FAM3B: variants seen among roughly 807,000 people sequenced by gnomAD.
The protein encoded by FAM3B is FAM3 metabolism regulating signaling molecule B.
Under a neutral mutation model 28.4 loss-of-function variants are expected in FAM3B, and 29 were observed. That is an observed-to-expected ratio of 1.02 (90% CI 0.76 to 1.39). The LOEUF (loss-of-function observed/expected upper bound fraction) is 1.39, where lower values mean the gene tolerates loss of function less well. Among genes scored for constraint, FAM3B ranks in the 40% most tolerant of loss-of-function variants. The pLI is 0.00. For missense variants in FAM3B, 266 were observed against 293.9 expected (o/e 0.91, Z 0.69); for synonymous variants, 91 against 103.0 (o/e 0.88, Z 0.71).
chr21:41,335,847 T>G (rs1342414146), intron 2 of FAM3B, among the ~76,000 whole-genome samples: 1 of 152,230 alleles, frequency 6.6e-6, no homozygotes. Context: ...ACATTCCATG[T>G]GTGCTTGAGA....
intron 2 of FAM3B, 42 bp downstream of exon 2, chr21:41,323,108 G>A: frequency 1.3e-6 from 2 of 1,594,206 alleles, no homozygotes; most frequent in Admixed American, 1.7e-5. Flanking sequence ...TTCATGGCTT[G>A]TGTGCAGAGG....
At chr21:41,325,646 A>G (rs1040773628) in intron 2 of FAM3B, among the ~76,000 whole-genome samples, 2 of 152,246 alleles carry the variant, frequency 1.3e-5, no homozygotes, top group African/African-American at 4.8e-5. Context: ...ATACAGAGCC[A>G]AATTTGATCA....
rs1471087027 is a variant in FAM3B at position 41,348,626 on chromosome 21, C to T, written c.520C>T (p.Leu174Phe). ...NNDAKNAIEA[L>F]GSKEIRNMKF... ...CGATGCCAAGAATGCCATAGAAGCACTTGGAAGTAAAGAAATCAGGAACAT... is the reference window on the plus strand; with the variant it reads ...CGATGCCAAGAATGCCATAGAAGCATTTGGAAGTAAAGAAATCAGGAACAT... Residue 174 changes from leucine (L) to phenylalanine (F), a missense_variant, in exon 7 of 8, where the codon CTT (leucine) becomes TTT (phenylalanine). Physicochemically the swap from Leu to Phe is conservative, Grantham distance 22 (BLOSUM62 0). Coordinates refer to ENST00000357985, the MANE Select transcript of FAM3B (RefSeq NM_058186.4). 6.2e-7 allele frequency: 1 copy of T among 1,614,202 alleles called. No homozygotes were observed. Among genetic ancestry groups the T allele is most frequent in the Non-Finnish European group, 8.5e-7 (1 of 1,180,034 alleles).
chr21:41,338,951 C>G (rs2088980317), intron 3 of FAM3B, among the ~76,000 whole-genome samples: 2 of 152,170 alleles, frequency 1.3e-5, no homozygotes, highest in South Asian at 4.1e-4. Flanking sequence ...CGAAGTTAGA[C>G]TACTTTACTT....
chr21:41,309,538 A>T (rs999945857), intron 1 of FAM3B, among the ~76,000 whole-genome samples: 1 of 152,240 alleles, frequency 6.6e-6, no homozygotes, highest in South Asian at 2.1e-4. Context: ...TTGCAGATCA[A>T]ACCATCTAAA....
At chr21:41,332,677 A>G (rs1332657747) in intron 2 of FAM3B, among the ~76,000 whole-genome samples, 1 of 152,070 alleles carries the variant, frequency 6.6e-6, no homozygotes, top group African/African-American at 2.4e-5. Context: ...GAGACTTTTT[A>G]TTACTGACTT....
rs76521795 is a variant in FAM3B at position 41,338,595 on chromosome 21, A to C, written c.287+94A>C. ...CAAGCAGCAGTTCTGCCCACAGGAG[A>C]GAACCATATGTCGTTGGTCTCAGGC... On this transcript the variant is annotated intron_variant, in intron 3 of 7. Coordinates refer to ENST00000357985, the MANE Select transcript of FAM3B (RefSeq NM_058186.4). 5.7e-4 allele frequency: 877 copies of C among 1,526,566 alleles called. 9 individuals are homozygous for C. In the East Asian group the frequency reaches 0.012, roughly 21 times the overall value. 94.6% of individuals were successfully genotyped at this position (1,526,566 alleles called of 1,614,324 possible).
intron 2 of FAM3B, 29 bp from the exon 3 acceptor site, chr21:41,338,349 A>T (rs2088973871): frequency 6.2e-7 from 1 of 1,612,144 alleles, no homozygotes. Flanking sequence ...TGGGATGTTA[A>T]TGGCTATATA....
intron 2 of FAM3B, among the ~76,000 whole-genome samples, chr21:41,327,254 A>C (rs1430783920): frequency 6.6e-6 from 1 of 152,214 alleles, no homozygotes; most frequent in East Asian, 1.9e-4. Flanking sequence ...TTCTTTTATA[A>C]ATCTTTCCAC....
At chr21:41,328,251 C>T (rs1159405427) in intron 2 of FAM3B, among the ~76,000 whole-genome samples, 2 of 152,220 alleles carry the variant, frequency 1.3e-5, no homozygotes, top group African/African-American at 2.4e-5. Context: ...AGTACCCATA[C>T]ACAGGGTGTC....
At chr21:41,349,794 C>T (rs777708891) in intron 7 of FAM3B, among the ~76,000 whole-genome samples, 22 of 152,170 alleles carry the variant, frequency 1.4e-4, no homozygotes, top group Non-Finnish European at 2.8e-4. Flanking sequence ...TCTCATGTTC[C>T]GGAGGCCCGG....
chr21:41,337,444 G>A (rs2088965270), intron 2 of FAM3B, among the ~76,000 whole-genome samples: 1 of 152,184 alleles, frequency 6.6e-6, no homozygotes, highest in African/African-American at 2.4e-5. Flanking sequence ...TCCAGCCTCA[G>A]GTCCCTCAAT....
intron 1 of FAM3B, among the ~76,000 whole-genome samples, chr21:41,308,598 G>A (rs1782644871): frequency 6.9e-6 from 1 of 145,928 alleles, no homozygotes; most frequent in South Asian, 2.2e-4. Context: ...GGAGTGCAGT[G>A]GTGTGATCTT....
rs924848011 is a variant in FAM3B, at chr21:41,357,385, T to A, written c.*188T>A. 4 of 419,182 alleles carry A rather than the reference T, an allele frequency of 9.5e-6. No homozygotes were observed. The highest frequency in any genetic ancestry group is 4.1e-5 in the African/African-American group (2 of 48,428). 26.0% of individuals were successfully genotyped at this position (419,182 alleles called of 1,614,324 possible). Reference sequence around the variant, plus strand: ...ATTTTTATACCAGTATTTTATGTAGTGAAGATGTCAATTAGCAGGAAACTA... The same window carrying A: ...ATTTTTATACCAGTATTTTATGTAGAGAAGATGTCAATTAGCAGGAAACTA... On this transcript the variant is annotated 3_prime_UTR_variant, in exon 8 of 8. Coordinates refer to ENST00000357985, the MANE Select transcript of FAM3B (RefSeq NM_058186.4).
chr21:41,323,835 G>A (rs2088832089), intron 2 of FAM3B, among the ~76,000 whole-genome samples: 1 of 152,198 alleles, frequency 6.6e-6, no homozygotes, highest in Admixed American at 6.5e-5. Flanking sequence ...TGAGGGCTGT[G>A]TGCCAGTTTG....
intron 2 of FAM3B, among the ~76,000 whole-genome samples, chr21:41,337,899 T>C (rs2088969994): frequency 2.0e-5 from 3 of 151,802 alleles, no homozygotes; most frequent in African/African-American, 7.3e-5. Context: ...TTGTATGATA[T>C]GTATGGTGTG....
Position 41,316,833 on chromosome 21 carries a change from C to T in FAM3B, c.-47C>T. ...ACCCAGGGGCTCCGCTGGCTGCGGT[C>T]GCCTGGGAGCTGCCGCCAGGGCCAG... On this transcript the variant is annotated 5_prime_UTR_variant, in exon 1 of 8. Coordinates refer to ENST00000357985, the MANE Select transcript of FAM3B (RefSeq NM_058186.4). The T allele has an allele frequency of 7.0e-7, 1 of 1,428,838 alleles. No homozygotes were observed. Among genetic ancestry groups the T allele is most frequent in the East Asian group, 3.0e-5 (1 of 33,508 alleles). The allele number at this position is 1,428,838 out of a possible 1,614,324, so 88.5% of individuals were successfully genotyped here. A position where few individuals can be genotyped will look rare whatever the true frequency, so the allele number is the denominator to read the frequency against.
intron 2 of FAM3B, among the ~76,000 whole-genome samples, chr21:41,329,047 C>T (rs1329123991): frequency 7.2e-5 from 11 of 152,156 alleles, no homozygotes; most frequent in Admixed American, 3.3e-4. Context: ...TGTTGATATA[C>T]GTATACGTTG....
At position 41,333,769 on chromosome 21, in the gene FAM3B, G is replaced by A. The variant is rs74828451; in HGVS notation, c.164-4609G>A. Among the ~76,000 whole-genome samples, 259 of 152,310 alleles carry A rather than the reference G, an allele frequency of 1.7e-3. 1 individual carries two copies. The highest frequency in any genetic ancestry group is 3.1e-3 in the Non-Finnish European group (214 of 68,028). On this transcript the variant is annotated intron_variant, in intron 2 of 7. Coordinates refer to ENST00000357985, the MANE Select transcript of FAM3B (RefSeq NM_058186.4). ...TGGAACTGGGTAACAGGCAGAGGTT[G>A]GAGAGTTTGGAGGCTCAGAAGACAA...
Sources: gnomAD v4.1 joint callset for allele counts (sites outside exome capture counted in the v4.1 genomes callset) on GRCh38, gnomAD v4.1.1 for gene constraint, MANE v1.5 for transcripts, NCBI Gene and HGNC (gene_info 2026-07-23, HGNC 2026-07-21) for gene names.